Variants in LRATD1 observed in about 807,000 individuals in gnomAD.
The protein encoded by LRATD1 is LRAT domain containing 1.
LRATD1 carries 8 observed loss-of-function variants against 21.3 expected under a neutral mutation model. The ratio of observed to expected loss-of-function variants is 0.38; its 90% CI spans 0.22 to 0.68. LRATD1 has a LOEUF of 0.68. Ranked by LOEUF, LRATD1 falls within the 30% of genes least tolerant of loss-of-function variation. The pLI is 0.54. For synonymous variants in LRATD1, 210 were observed against 186.2 expected (o/e 1.13, Z -1.04); for missense variants, 380 against 404.0 (o/e 0.94, Z 0.51).
Position 14,634,141 on chromosome 2 carries a change from C to T in LRATD1, c.162C>T (p.Gly54=). 1 of 1,614,052 alleles carries T rather than the reference C, an allele frequency of 6.2e-7. No individual in the cohort carries two copies. Among genetic ancestry groups the T allele is most frequent in the East Asian group, 2.2e-5 (1 of 44,856 alleles). The part of the protein sequence containing the change: ...LDERGQPDKF[G]VKAPPGCTPC... Reference sequence around the variant, plus strand: ...AACGCGGGCAGCCCGACAAGTTTGGCGTGAAGGCCCCCCCGGGTTGCACCC... The same window carrying T: ...AACGCGGGCAGCCCGACAAGTTTGGTGTGAAGGCCCCCCCGGGTTGCACCC... The change falls in exon 2 of 2, where the codon GGC becomes GGT. Residue 54 remains glycine, a synonymous_variant. Coordinates refer to ENST00000295092, the MANE Select transcript of LRATD1 (RefSeq NM_145175.4).
At chr2:14,641,194 C>G (rs1181439561), downstream of LRATD1, among the ~76,000 whole-genome samples, 1 of 152,114 alleles carries the variant, frequency 6.6e-6, no homozygotes, top group Non-Finnish European at 1.5e-5. Flanking sequence ...ACACCCCCTA[C>G]CCACAACATT....
At chr2:14,642,541 C>T (rs147303660), downstream of LRATD1, among the ~76,000 whole-genome samples, 14 of 151,570 alleles carry the variant, frequency 9.2e-5, no homozygotes, top group Non-Finnish European at 2.9e-5. Context: ...GTTCAGTCAG[C>T]GGAGAAAGAG....
chr2:14,640,447 G>C (rs181158862), downstream of LRATD1, among the ~76,000 whole-genome samples: 79 of 152,270 alleles, frequency 5.2e-4, no homozygotes, highest in African/African-American at 1.9e-3. Flanking sequence ...TATGAATAGA[G>C]TCAGTGTCCT....
At chr2:14,650,308 T>G (rs1253203999), downstream of LRATD1, 2 of 152,182 alleles carry the variant, frequency 1.3e-5, no homozygotes, top group Non-Finnish European at 1.5e-5. Flanking sequence ...CTCAGGTGGA[T>G]TCATAATTTG....
downstream of LRATD1, chr2:14,640,048 G>T (rs529043057): frequency 7.8e-5 from 13 of 167,064 alleles, no homozygotes; most frequent in Non-Finnish European, 1.5e-4. Context: ...AGTAGAAAAT[G>T]TTCTCTTGTC....
Position 14,634,429 on chromosome 2 carries a change from C to T in LRATD1, c.450C>T (p.Gly150=). ...CGCACTGGGCCGTCTACGTGGGCGG[C>T]GGGCAGATCATCCACCTGCACCAAG... is the stretch of plus-strand genomic sequence containing the variant. ...PAPHWAVYVG[G]GQIIHLHQGE... The change falls in exon 2 of 2, where the codon GGC becomes GGT. Residue 150 remains glycine (G), a synonymous_variant. Transcript: ENST00000295092. The T allele has an allele frequency of 2.0e-6, 3 of 1,523,490 alleles. No homozygotes were observed. Among genetic ancestry groups the T allele is most frequent in the East Asian group, 4.6e-5 (2 of 43,592 alleles). The allele number at this position is 1,523,490 out of a possible 1,614,324, so 94.4% of individuals were successfully genotyped here.
downstream of LRATD1, among the ~76,000 whole-genome samples, chr2:14,643,875 T>C (rs1050749615): frequency 1.3e-5 from 2 of 152,206 alleles, no homozygotes; most frequent in Non-Finnish European, 2.9e-5. Context: ...GATTGCCTTC[T>C]GAAATAAGTT....
In LRATD1 at chr2:14,638,606, G is replaced by A. The variant is rs1275442154; in HGVS notation, c.*3748G>A. 1 of 166,954 alleles carries A rather than the reference G, an allele frequency of 6.0e-6. No individual in the cohort carries two copies. Among genetic ancestry groups the A allele is most frequent in the Non-Finnish European group, 1.5e-5 (1 of 68,072 alleles). The allele number at this position is 166,954 out of a possible 1,614,324, so 10.3% of individuals were successfully genotyped here. ...AAACATTACTTTATTGATTACTTAT[G>A]TTTTGTGGTGCGCTTTCAACATCCC... On this transcript the variant is annotated 3_prime_UTR_variant, in exon 2 of 2. Coordinates refer to ENST00000295092, the MANE Select transcript of LRATD1 (RefSeq NM_145175.4).
Position 14,635,685 on chromosome 2 carries a change from G to T in LRATD1, c.*827G>T, listed in dbSNP as rs760569233. 27 of 459,206 alleles carry T rather than the reference G, an allele frequency of 5.9e-5. 1 individual carries two copies. Among genetic ancestry groups the T allele is most frequent in the Admixed American group, 5.7e-4 (24 of 41,884 alleles). The allele number at this position is 459,206 out of a possible 1,614,324, so 28.4% of individuals were successfully genotyped here. On this transcript the variant is annotated 3_prime_UTR_variant, in exon 2 of 2. Transcript: ENST00000295092. ...CCCGCCCCCGACAAGGAGCTCGCTCGTTCACCTGGTGTCTGGGAACTTGAA... is the reference window on the plus strand; with the variant it reads ...CCCGCCCCCGACAAGGAGCTCGCTCTTTCACCTGGTGTCTGGGAACTTGAA...
chr2:14,637,495 G>T lies in LRATD1; in HGVS notation c.*2637G>T, dbSNP rs1671713657. Reference sequence around the variant, plus strand: ...TACTATATTGGCCTATAAAGGATCAGGTTGATGATAATACCTCTAAAAATA... The same window carrying T: ...TACTATATTGGCCTATAAAGGATCATGTTGATGATAATACCTCTAAAAATA... On this transcript the variant is annotated 3_prime_UTR_variant, in exon 2 of 2. Transcript: ENST00000295092. 1 of 166,898 alleles carries T rather than the reference G, an allele frequency of 6.0e-6. No homozygotes were observed. The highest frequency in any genetic ancestry group is 2.4e-5 in the African/African-American group (1 of 41,434). 10.3% of individuals were successfully genotyped at this position (166,898 alleles called of 1,614,324 possible).
chr2:14,641,355 T>A (rs1016727948), downstream of LRATD1, among the ~76,000 whole-genome samples: 3 of 152,096 alleles, frequency 2.0e-5, no homozygotes, highest in Non-Finnish European at 4.4e-5. Context: ...TAGGTGCGGG[T>A]GGGTAGGTGT....
rs570523121 is a variant in LRATD1 at position 14,636,312 on chromosome 2, T to G, written c.*1454T>G. On this transcript the variant is annotated 3_prime_UTR_variant, in exon 2 of 2. Transcript: ENST00000295092. ...AAATTGCTAGCAGGTTCCACGATGT[T>G]TATTTTTTTCTCCATGTTGTATATC... 1 of 167,258 alleles carries G rather than the reference T, an allele frequency of 6.0e-6. No homozygotes were observed. The highest frequency in any genetic ancestry group is 2.4e-5 in the African/African-American group (1 of 41,560). The allele number at this position is 167,258 out of a possible 1,614,324, so 10.4% of individuals were successfully genotyped here.
At chr2:14,648,608 C>A (rs1345911879) in intron 4 of LRATD1, among the ~76,000 whole-genome samples, 1 of 152,074 alleles carries the variant, frequency 6.6e-6, no homozygotes, top group Non-Finnish European at 1.5e-5. Flanking sequence ...TTTGTCAAAC[C>A]CCTGTAAACA....
rs1430202039 is a variant in LRATD1, at chr2:14,634,935, C to T, written c.*77C>T. On this transcript the variant is annotated 3_prime_UTR_variant, in exon 2 of 2. Coordinates refer to ENST00000295092, the MANE Select transcript of LRATD1 (RefSeq NM_145175.4). ...CTTCCCCGCACCCGGACTTCGCAGT[C>T]AGCGGTTCTCAACCTCTGCCCCGCC... The T allele has an allele frequency of 6.7e-7, 1 of 1,490,626 alleles. No individual in the cohort carries two copies. The highest frequency in any genetic ancestry group is 2.2e-5 in the Admixed American group (1 of 44,844). The allele number at this position is 1,490,626 out of a possible 1,614,324, so 92.3% of individuals were successfully genotyped here.
intron 3 of LRATD1, chr2:14,646,243 G>A (rs1318000089): frequency 1.3e-5 from 2 of 152,138 alleles, no homozygotes; most frequent in African/African-American, 2.4e-5. Context: ...TATTCAAAAA[G>A]GCAAATCCAT....
Position 14,639,331 on chromosome 2 carries a change from T to A in LRATD1, c.*4473T>A, listed in dbSNP as rs1391402139. On this transcript the variant is annotated 3_prime_UTR_variant, in exon 2 of 2. Coordinates refer to ENST00000295092, the MANE Select transcript of LRATD1 (RefSeq NM_145175.4). ...GGTTTCTCTAACTAAAAGGAAAAAA[T>A]TCAAAGGAAAGTTGTAAATATTAGG... 2 of 166,892 alleles carry A rather than the reference T, an allele frequency of 1.2e-5. No individual in the cohort carries two copies. Among genetic ancestry groups the A allele is most frequent in the East Asian group, 1.9e-4 (1 of 5,186 alleles). 10.3% of individuals were successfully genotyped at this position (166,892 alleles called of 1,614,324 possible).
At chr2:14,642,216 G>T (rs951098222), downstream of LRATD1, 3 of 152,696 alleles carry the variant, frequency 2.0e-5, no homozygotes, top group Admixed American at 6.5e-5. Flanking sequence ...TAGAAAATAA[G>T]CTGGAATGAT....
downstream of LRATD1, chr2:14,650,458 A>G (rs1003294605): frequency 6.6e-6 from 1 of 152,220 alleles, no homozygotes; most frequent in African/African-American, 2.4e-5. Context: ...ATAGCTATTC[A>G]TTAAATTACA....
rs930612858 is a variant in LRATD1, at chr2:14,637,047, T to C, written c.*2189T>C. The C allele has an allele frequency of 1.8e-5, 3 of 167,136 alleles. No homozygotes were observed. Among genetic ancestry groups the C allele is most frequent in the African/African-American group, 7.2e-5 (3 of 41,470 alleles). The allele number at this position is 167,136 out of a possible 1,614,324, so 10.4% of individuals were successfully genotyped here. On this transcript the variant is annotated 3_prime_UTR_variant, in exon 2 of 2. Coordinates refer to ENST00000295092, the MANE Select transcript of LRATD1 (RefSeq NM_145175.4). The stretch of plus-strand genomic sequence containing the variant: ...AGCAAAAACTTTTGTAATAACTAAC[T>C]TACCTTTGCATGTATGAAGAACTGA...
Sources: allele counts gnomAD v4.1 joint callset (sites outside exome capture counted in the v4.1 genomes callset), GRCh38; gene constraint gnomAD v4.1.1; transcripts MANE v1.5; gene names NCBI Gene and HGNC (gene_info 2026-07-23, HGNC 2026-07-21).